The following SUGCT variants were observed in gnomAD, a reference collection of about 807,000 sequenced individuals.
SUGCT encodes the protein succinyl-CoA:glutarate-CoA transferase, also known as succinyl-CoA:glutarate CoA-transferase.
SUGCT carries 41 observed loss-of-function variants against 55.0 expected under a neutral mutation model. That is an observed-to-expected ratio of 0.74 (90% CI 0.58 to 0.97). SUGCT has a LOEUF of 0.97. Ranked by LOEUF, SUGCT falls within the 50% of genes least tolerant of loss-of-function variation. The pLI is 0.00. For missense variants in SUGCT, 568 were observed against 547.8 expected (o/e 1.04, Z -0.37); for synonymous variants, 187 against 200.4 (o/e 0.93, Z 0.56).
chr7:40,989,656 A>G, the SUGCT span, among the ~76,000 whole-genome samples: 1 of 151,814 alleles, frequency 6.6e-6, no homozygotes, highest in African/African-American at 2.4e-5. Flanking sequence ...CTGTAATCCC[A>G]GCTACTCCGG....
At chr7:40,652,019 C>T (rs759265264) in intron 12 of SUGCT, among the ~76,000 whole-genome samples, 11 of 151,900 alleles carry the variant, frequency 7.2e-5, no homozygotes, top group Non-Finnish European at 1.0e-4. Flanking sequence ...TTTTTGTCCT[C>T]ATTGAAGAAG....
intron 13 of SUGCT, among the ~76,000 whole-genome samples, chr7:40,761,003 T>A (rs1354804356): frequency 6.6e-6 from 1 of 152,222 alleles, no homozygotes; most frequent in Non-Finnish European, 1.5e-5. Context: ...ACTAGCCACA[T>A]CATTAATTTT....
chr7:40,956,093 T>G, the SUGCT span, among the ~76,000 whole-genome samples: 3 of 152,226 alleles, frequency 2.0e-5, no homozygotes, highest in Non-Finnish European at 4.4e-5. Flanking sequence ...AATTTTCTTT[T>G]TTTGTTGTGT....
chr7:40,817,334 G>C (rs1034736524), intron 13 of SUGCT, among the ~76,000 whole-genome samples: 1 of 152,158 alleles, frequency 6.6e-6, no homozygotes, highest in East Asian at 1.9e-4. Flanking sequence ...GATACTATGA[G>C]AACACAGAGC....
intron 9 of SUGCT, among the ~76,000 whole-genome samples, chr7:40,363,271 A>G (rs1056399374): frequency 6.6e-6 from 1 of 151,660 alleles, no homozygotes; most frequent in Non-Finnish European, 1.5e-5. Context: ...CAGCTCCTGG[A>G]TTCATTAATT....
intron 12 of SUGCT, among the ~76,000 whole-genome samples, chr7:40,526,548 G>A (rs916210628): frequency 6.6e-6 from 1 of 152,214 alleles, no homozygotes; most frequent in African/African-American, 2.4e-5. Context: ...TTGAGAATGT[G>A]TATCTCTAAA....
chr7:40,505,835 T>C (rs1792560129), intron 12 of SUGCT, among the ~76,000 whole-genome samples: 1 of 152,098 alleles, frequency 6.6e-6, no homozygotes, highest in African/African-American at 2.4e-5. Flanking sequence ...TAACCCTATC[T>C]TATTCTTAGT....
At chr7:40,755,284 G>A (rs984461622) in intron 13 of SUGCT, among the ~76,000 whole-genome samples, 1 of 152,150 alleles carries the variant, frequency 6.6e-6, no homozygotes, top group African/African-American at 2.4e-5. Flanking sequence ...GATTTTAGGG[G>A]TAATTTCTAT....
chr7:40,756,852 T>C (rs1261317325), intron 13 of SUGCT, among the ~76,000 whole-genome samples: 1 of 152,138 alleles, frequency 6.6e-6, no homozygotes, highest in Non-Finnish European at 1.5e-5. Context: ...ATCTATCTTC[T>C]AGAAAGAGCA....
At chr7:40,318,034 C>T (rs999835049) in intron 9 of SUGCT, among the ~76,000 whole-genome samples, 2 of 152,198 alleles carry the variant, frequency 1.3e-5, no homozygotes, top group African/African-American at 4.8e-5. Context: ...CTTCCTAGCC[C>T]TTTGTGACTG....
chr7:40,337,830 T>G (rs1417549698), intron 9 of SUGCT, among the ~76,000 whole-genome samples: 1 of 152,224 alleles, frequency 6.6e-6, no homozygotes, highest in Non-Finnish European at 1.5e-5. Flanking sequence ...GTTGATGCAG[T>G]TTCTTCCTAG....
chr7:40,674,287 A>G (rs1445344575), intron 12 of SUGCT, among the ~76,000 whole-genome samples: 1 of 152,234 alleles, frequency 6.6e-6, no homozygotes, highest in Non-Finnish European at 1.5e-5. Context: ...TCCCTATTGC[A>G]GTTTATTGCC....
intron 11 of SUGCT, among the ~76,000 whole-genome samples, chr7:40,488,515 A>T (rs182764887): frequency 1.1e-4 from 17 of 152,276 alleles, no homozygotes; most frequent in Admixed American, 2.6e-4. Flanking sequence ...TTTACACACC[A>T]TCATTACCAT....
chr7:40,431,353 A>G (rs987831668), intron 9 of SUGCT, among the ~76,000 whole-genome samples: 1 of 152,146 alleles, frequency 6.6e-6, no homozygotes, highest in Non-Finnish European at 1.5e-5. Context: ...TTAGTAATAT[A>G]ATTTTAAATC....
intron 12 of SUGCT, among the ~76,000 whole-genome samples, chr7:40,544,021 T>C (rs1794848297): frequency 6.6e-6 from 1 of 152,134 alleles, no homozygotes; most frequent in Non-Finnish European, 1.5e-5. Context: ...GGAGGCACTC[T>C]AGTTTGGAGT....
rs1272247218 is a variant in SUGCT at position 40,649,363 on chromosome 7, C to T, written c.1090-100071C>T. Among the ~76,000 whole-genome samples the T allele has an allele frequency of 3.3e-5, 5 of 152,148 alleles. No homozygotes were observed. The East Asian group carries it at 5.8e-4, about 18-fold the overall frequency. On this transcript the variant is annotated intron_variant, in intron 12 of 13. Coordinates refer to ENST00000335693, the MANE Select transcript of SUGCT (RefSeq NM_001193313.2). ...ATTTACTGAGTAGGTACCATGCCCC[C>T]GTGATAGTCTTTACATGTCACACCT...
intron 9 of SUGCT, among the ~76,000 whole-genome samples, chr7:40,424,573 T>A (rs1400779577): frequency 6.6e-6 from 1 of 152,190 alleles, no homozygotes; most frequent in African/African-American, 2.4e-5. Flanking sequence ...TACTTCTATA[T>A]GTTTCAGTTT....
chr7:40,224,422 GTGTGTGTGCA>G (rs1034087192), intron 6 of SUGCT, among the ~76,000 whole-genome samples: 97 of 150,760 alleles, frequency 6.4e-4, no homozygotes, highest in Middle Eastern at 3.4e-3. Context: ...GTGTGTGTGT[GTGTGTGTGCA>G]TGCATGTGTA....
chr7:40,837,760 C>T (rs1350006984), intron 13 of SUGCT, among the ~76,000 whole-genome samples: 1 of 152,090 alleles, frequency 6.6e-6, no homozygotes, highest in East Asian at 1.9e-4. Context: ...ATTACAGGCA[C>T]CCACCACCAT....
Sources: allele counts gnomAD v4.1 joint callset (sites outside exome capture counted in the v4.1 genomes callset), GRCh38; gene constraint gnomAD v4.1.1; transcripts MANE v1.5; gene names NCBI Gene and HGNC (gene_info 2026-07-23, HGNC 2026-07-21).